SLC35F5: variants seen among roughly 807,000 people sequenced by gnomAD.
The protein encoded by SLC35F5 is HCV NS5A-transactivated protein 3.
A neutral mutation model predicts 68.6 loss-of-function variants in SLC35F5; 54 were observed. That is an observed-to-expected ratio of 0.79 (90% CI 0.63 to 0.99). The LOEUF (loss-of-function observed/expected upper bound fraction) is 0.99, where lower values mean the gene tolerates loss of function less well. Among genes scored for constraint, SLC35F5 ranks in the 50% least tolerant of loss-of-function variants. The pLI, the probability that SLC35F5 is intolerant of heterozygous loss-of-function variation, is 0.00. For missense variants in SLC35F5, 567 were observed against 626.9 expected (o/e 0.90, Z 1.02); for synonymous variants, 211 against 205.2 (o/e 1.03, Z -0.24).
intron 3 of SLC35F5, among the ~76,000 whole-genome samples, chr2:113,751,337 CTGTT>C (rs1676729974): frequency 6.6e-6 from 1 of 152,092 alleles, no homozygotes; most frequent in African/African-American, 2.4e-5. Context: ...CCAAGGGAGA[CTGTT>C]TTTTTGTTTG....
At position 113,751,343 on chromosome 2, in the gene SLC35F5, TTTTG is replaced by T. The variant is rs965773772; in HGVS notation, c.274-779_274-776del. 1.6e-4 allele frequency among the ~76,000 whole-genome samples: 24 copies of T among 152,322 alleles called. 1 individual carries two copies. The highest frequency in any genetic ancestry group is 4.1e-4 in the South Asian group (2 of 4,830). ...GGACGTTTCCCAAGGGAGACTGTTT[TTTTG>T]TTTGTTTGTTTGTTTTTAGTGTATT... On this transcript the variant is annotated intron_variant, in intron 3 of 15. Coordinates refer to ENST00000245680, the MANE Select transcript of SLC35F5 (RefSeq NM_025181.5).
rs547891164 is a variant in SLC35F5 at position 113,709,958 on chromosome 2, T to G, written c.*5260A>C. Among the ~76,000 whole-genome samples the G allele has an allele frequency of 1.3e-5, 2 of 152,274 alleles. No individual in the cohort carries two copies. On this transcript the variant is annotated 3_prime_UTR_variant, in exon 16 of 16. Transcript: ENST00000245680. ...TCCCAAGCAGCTCAGACTACAGGTA[T>G]GCACTACCATGCCTGTTTGTTTTTT...
At chr2:113,721,100 C>T (rs932667515) in intron 13 of SLC35F5, among the ~76,000 whole-genome samples, 2 of 151,808 alleles carry the variant, frequency 1.3e-5, no homozygotes, top group Admixed American at 6.6e-5. Context: ...GTTTCAAGCA[C>T]AATGTTAATA....
intron 9 of SLC35F5, among the ~76,000 whole-genome samples, chr2:113,733,145 A>G (rs1214769738): frequency 2.0e-5 from 3 of 152,190 alleles, no homozygotes; most frequent in Non-Finnish European, 2.9e-5. Context: ...AAAGGTACAG[A>G]TAGTAAATAT....
At chr2:113,718,924 A>G (rs1687306102) in intron 14 of SLC35F5, among the ~76,000 whole-genome samples, 48 of 49,664 alleles carry the variant, frequency 9.7e-4, no homozygotes, top group African/African-American at 2.0e-3. Context: ...AAAGAAAGAA[A>G]GAAAAAGAAA....
chr2:113,706,190 G>A (rs768846125), downstream of SLC35F5, among the ~76,000 whole-genome samples: 7 of 152,138 alleles, frequency 4.6e-5, no homozygotes, highest in South Asian at 1.5e-3. Flanking sequence ...CAGGGGAGTC[G>A]ACACCAGAGG....
At chr2:113,749,126 A>G (rs1209156437) in intron 4 of SLC35F5, among the ~76,000 whole-genome samples, 1 of 152,132 alleles carries the variant, frequency 6.6e-6, no homozygotes, top group African/African-American at 2.4e-5. Flanking sequence ...CTGAGGCTCA[A>G]GAGATCTGCC....
chr2:113,718,778 GA>G (rs1226396310), intron 14 of SLC35F5, among the ~76,000 whole-genome samples: 4 of 151,080 alleles, frequency 2.6e-5, no homozygotes, highest in Admixed American at 2.6e-4. Flanking sequence ...CTGGGCTACA[GA>G]GCAAGACTCT....
Position 113,731,646 on chromosome 2 carries a change from A to G in SLC35F5, c.923T>C (p.Ile308Thr), listed in dbSNP as rs748623963. Residue 308 changes from isoleucine (I) to threonine (T), a missense_variant and splice_region_variant, in exon 10 of 16, where the codon ATT (isoleucine) becomes ACT (threonine). Physicochemically the swap from Ile to Thr is moderately conservative, Grantham distance 89. Coordinates refer to ENST00000245680, the MANE Select transcript of SLC35F5 (RefSeq NM_025181.5). ...LSKLLAVILS[I>T]GGVVLVNLAG... ...CAGGTTTACCAGTACAACGCCTCCAATGCTATGAGAATAACAGTCATTAAT... is the reference window on the plus strand; with the variant it reads ...CAGGTTTACCAGTACAACGCCTCCAGTGCTATGAGAATAACAGTCATTAAT... 3.1e-6 allele frequency: 5 copies of G among 1,612,014 alleles called. No individual in the cohort carries two copies. The highest frequency in any genetic ancestry group is 1.1e-5 in the South Asian group (1 of 91,044).
At chr2:113,725,238 G>C (rs1687612695) in intron 12 of SLC35F5, 140 bp downstream of exon 12, 1 of 699,636 alleles carries the variant, frequency 1.4e-6, no homozygotes, top group South Asian at 1.9e-5. Context: ...CCCTGCTCTA[G>C]TGGAGTTAAA....
At chr2:113,702,945 C>T (rs376261465), downstream of SLC35F5, among the ~76,000 whole-genome samples, 2 of 151,908 alleles carry the variant, frequency 1.3e-5, no homozygotes, top group Admixed American at 6.6e-5. Context: ...CTCATTGCTA[C>T]TAAAAATCAA....
intron 15 of SLC35F5, 152 bp downstream of exon 15, chr2:113,717,601 A>G (rs941126757): frequency 7.6e-6 from 4 of 524,604 alleles, no homozygotes; most frequent in Admixed American, 7.4e-5. Flanking sequence ...CACAGCTAGT[A>G]TGTGGAGAAG....
chr2:113,734,354 T>A (rs1385689385), intron 9 of SLC35F5, among the ~76,000 whole-genome samples: 1 of 152,176 alleles, frequency 6.6e-6, no homozygotes, highest in East Asian at 1.9e-4. Flanking sequence ...TGCAGACACA[T>A]GAATGGGAAC....
intron 4 of SLC35F5, among the ~76,000 whole-genome samples, chr2:113,747,844 C>A (rs1003364119): frequency 1.3e-5 from 2 of 152,212 alleles, no homozygotes; most frequent in African/African-American, 2.4e-5. Flanking sequence ...GTAATCCCAG[C>A]ACTCTGGGAG....
chr2:113,718,560 A>G (rs1252165256), intron 14 of SLC35F5, among the ~76,000 whole-genome samples: 2 of 152,150 alleles, frequency 1.3e-5, no homozygotes, highest in Non-Finnish European at 1.5e-5. Flanking sequence ...AAATGTAGTT[A>G]CTAGGCAGGC....
chr2:113,737,172 A>C (rs185925436), intron 7 of SLC35F5, among the ~76,000 whole-genome samples: 6 of 152,348 alleles, frequency 3.9e-5, no homozygotes, highest in Admixed American at 1.3e-4. Context: ...ACATCTCTCG[A>C]TCTCTCTCAG....
chr2:113,756,442 C>A lies in SLC35F5; in HGVS notation c.-33G>T. ...CCGGTCAGGCCCCGCAGCCGCCCAGCGCCACGGCCGCGGCCTCGGACTCAC... is the reference window on the plus strand; with the variant it reads ...CCGGTCAGGCCCCGCAGCCGCCCAGAGCCACGGCCGCGGCCTCGGACTCAC... On this transcript the variant is annotated 5_prime_UTR_variant, in exon 1 of 16. Coordinates refer to ENST00000245680, the MANE Select transcript of SLC35F5 (RefSeq NM_025181.5). 3 of 1,540,014 alleles carry A rather than the reference C, an allele frequency of 1.9e-6. No homozygotes were observed. The highest frequency in any genetic ancestry group is 2.4e-5 in the South Asian group (2 of 83,946).
At chr2:113,751,343 T>G (rs534149818) in intron 3 of SLC35F5, among the ~76,000 whole-genome samples, 3 of 152,322 alleles carry the variant, frequency 2.0e-5, no homozygotes, top group East Asian at 1.9e-4. Context: ...GAGACTGTTT[T>G]TTTGTTTGTT....
intron 11 of SLC35F5, among the ~76,000 whole-genome samples, chr2:113,726,508 C>T (rs1184819919): frequency 6.6e-6 from 1 of 152,080 alleles, no homozygotes; most frequent in Non-Finnish European, 1.5e-5. Flanking sequence ...AATTAAATTA[C>T]AGTAGATATA....
Sources: gnomAD v4.1 joint callset for allele counts (sites outside exome capture counted in the v4.1 genomes callset) on GRCh38, gnomAD v4.1.1 for gene constraint, MANE v1.5 for transcripts, NCBI Gene and HGNC (gene_info 2026-07-23, HGNC 2026-07-21) for gene names.